VPS37A: variants seen among roughly 807,000 people sequenced by gnomAD.
VPS37A encodes the protein VPS37A subunit of ESCRT-I.
VPS37A carries 30 observed loss-of-function variants against 49.8 expected under a neutral mutation model. That is an observed-to-expected ratio of 0.60 (90% CI 0.45 to 0.82). VPS37A has a LOEUF of 0.82. VPS37A is among the 40% of genes least tolerant of loss of function. VPS37A has a pLI of 0.00. For synonymous variants in VPS37A, 195 were observed against 160.6 expected, an observed-to-expected ratio of 1.21 and a Z score of -1.62; for missense variants, 593 against 464.4, an observed-to-expected ratio of 1.28 and a Z score of -2.55.
the VPS37A span, among the ~76,000 whole-genome samples, chr8:17,309,106 C>G: frequency 6.6e-6 from 1 of 152,166 alleles, no homozygotes; most frequent in African/African-American, 2.4e-5. Context: ...CAAAAGGAAT[C>G]AGTTATAACT....
chr8:17,305,243 A>G (rs1817375626), downstream of VPS37A, among the ~76,000 whole-genome samples: 1 of 152,238 alleles, frequency 6.6e-6, no homozygotes, highest in African/African-American at 2.4e-5. Context: ...TGAAAATTTA[A>G]AAAATGTTCT....
In VPS37A at chr8:17,280,420, C is replaced by A; in HGVS notation, c.946C>A (p.Gln316Lys). Residue 316 changes from glutamine to lysine, a missense_variant, in exon 9 of 12, where the codon CAA becomes AAA. Gln to Lys is a moderately conservative substitution (Grantham distance 53, BLOSUM62 1). Transcript: ENST00000324849. Reference protein sequence around the residue: ...QMKSTFEKKMQRQHELSESCS... With the variant: ...QMKSTFEKKMKRQHELSESCS... ...GAAGTCCACTTTCGAAAAGAAGATG[C>A]AAAGGCAGCATGAACTTAGTGAGGT... 3 of 1,608,558 alleles carry A rather than the reference C, an allele frequency of 1.9e-6. No individual in the cohort carries two copies. The highest frequency in any genetic ancestry group is 2.7e-5 in the African/African-American group (2 of 74,512).
intron 1 of VPS37A, 126 bp from the exon 2 acceptor site, chr8:17,265,780 AT>A: frequency 6.5e-7 from 1 of 1,549,106 alleles, no homozygotes; most frequent in Non-Finnish European, 8.7e-7. Context: ...GATACAAGTT[AT>A]GCTGGCTATC....
chr8:17,294,835 T>TG (rs1390745194), intron 11 of VPS37A, among the ~76,000 whole-genome samples, 152 bp from the exon 12 acceptor site: 2 of 152,230 alleles, frequency 1.3e-5, no homozygotes, highest in Non-Finnish European at 2.9e-5. Flanking sequence ...CCTTCTCTGT[T>TG]GGTCTCCCTG....
the VPS37A span, chr8:17,313,208 G>A: frequency 4.1e-5 from 39 of 953,308 alleles, no homozygotes; most frequent in Admixed American, 5.8e-5. Context: ...TTAAGACAGG[G>A]AAGCCCATGG....
chr8:17,297,436 G>A lies in VPS37A; in HGVS notation c.*2450G>A, dbSNP rs955879648. The A allele has an allele frequency of 1.3e-5, 2 of 151,622 alleles. No individual in the cohort carries two copies. The highest frequency in any genetic ancestry group is 1.5e-5 in the Non-Finnish European group (1 of 67,720). 9.4% of individuals were successfully genotyped at this position (151,622 alleles called of 1,614,324 possible). A position where few individuals can be genotyped will look rare whatever the true frequency, so the allele number is the denominator to read the frequency against. On this transcript the variant is annotated 3_prime_UTR_variant, in exon 12 of 12. Coordinates refer to ENST00000324849, the MANE Select transcript of VPS37A (RefSeq NM_152415.3). ...TCAGATTCATTTTTAGGAGAAGAAA[G>A]TAAACTAATGTGCTCTTAAAGAATA...
the VPS37A span, among the ~76,000 whole-genome samples, chr8:17,320,587 A>G: frequency 2.0e-5 from 3 of 152,142 alleles, no homozygotes; most frequent in African/African-American, 7.2e-5. Flanking sequence ...GTGCAATTCA[A>G]AAAGTCTTCC....
chr8:17,329,695 G>T, the VPS37A span, among the ~76,000 whole-genome samples: 4 of 152,200 alleles, frequency 2.6e-5, no homozygotes, highest in African/African-American at 9.7e-5. Flanking sequence ...TCAGACTAAA[G>T]TCAGACTGCC....
intron 1 of VPS37A, among the ~76,000 whole-genome samples, chr8:17,265,005 C>G (rs1813313833): frequency 6.6e-6 from 1 of 152,162 alleles, no homozygotes; most frequent in South Asian, 2.1e-4. Flanking sequence ...ATACCAAAGA[C>G]CCAAGAATGG....
intron 1 of VPS37A, among the ~76,000 whole-genome samples, chr8:17,251,934 C>G (rs1812018613): frequency 1.3e-5 from 2 of 152,148 alleles, no homozygotes; most frequent in African/African-American, 4.8e-5. Flanking sequence ...AGCTATAAGA[C>G]TTTGTCCCCC....
At chr8:17,283,113 G>T (rs999352522) in intron 9 of VPS37A, among the ~76,000 whole-genome samples, 3 of 152,124 alleles carry the variant, frequency 2.0e-5, no homozygotes, top group African/African-American at 7.2e-5. Context: ...GTGCATTACA[G>T]TTCATTTTTA....
chr8:17,302,564 A>G, downstream of VPS37A: 1 of 276,388 alleles, frequency 3.6e-6, no homozygotes, highest in Non-Finnish European at 6.7e-6. Context: ...TGTAACCATT[A>G]CCTTTTAAGA....
chr8:17,308,879 G>T, the VPS37A span, among the ~76,000 whole-genome samples: 1 of 152,194 alleles, frequency 6.6e-6, no homozygotes, highest in Admixed American at 6.6e-5. Context: ...CGATACAAAT[G>T]CCTTAGGACT....
downstream of VPS37A, among the ~76,000 whole-genome samples, chr8:17,303,554 C>T (rs1817261963): frequency 6.6e-6 from 1 of 151,700 alleles, no homozygotes; most frequent in South Asian, 2.1e-4. Context: ...TAGCACATAC[C>T]TAGTAGAACT....
rs1050394121 is a variant in VPS37A at position 17,271,372 on chromosome 8, G to A, written c.416+2416G>A. On this transcript the variant is annotated intron_variant, in intron 4 of 11. Transcript: ENST00000324849. ...TGTAATCCCAGCACTTTGGGAGGCCGAGGCAGGCGGATCACGAGGTCAGGA... is the reference window on the plus strand; with the variant it reads ...TGTAATCCCAGCACTTTGGGAGGCCAAGGCAGGCGGATCACGAGGTCAGGA... Among the ~76,000 whole-genome samples the A allele has an allele frequency of 1.5e-4, 23 of 152,232 alleles. No individual in the cohort carries two copies. The East Asian group carries it at 2.3e-3, about 15-fold the overall frequency.
chr8:17,251,794 T>G (rs1390808278), intron 1 of VPS37A, among the ~76,000 whole-genome samples: 1 of 152,242 alleles, frequency 6.6e-6, no homozygotes, highest in Admixed American at 6.5e-5. Flanking sequence ...TTTGTTTTAA[T>G]ATTTTCTTTT....
chr8:17,307,341 A>G (rs1302776440), downstream of VPS37A, among the ~76,000 whole-genome samples: 1 of 152,214 alleles, frequency 6.6e-6, no homozygotes, highest in Non-Finnish European at 1.5e-5. Flanking sequence ...ATGATACACC[A>G]TCTCACACCA....
chr8:17,265,685 T>C, intron 1 of VPS37A: 1 of 1,244,178 alleles, frequency 8.0e-7, no homozygotes, highest in Non-Finnish European at 1.1e-6. Flanking sequence ...TACATCATCA[T>C]CCCCCTTCCC....
At chr8:17,332,223 A>G in the VPS37A span, among the ~76,000 whole-genome samples, 4 of 100,586 alleles carry the variant, frequency 4.0e-5, no homozygotes, top group Admixed American at 8.8e-5. Context: ...TCACCACCAG[A>G]AAAAAATATC....
Sources: gnomAD v4.1 joint callset for allele counts (sites outside exome capture counted in the v4.1 genomes callset) on GRCh38, gnomAD v4.1.1 for gene constraint, MANE v1.5 for transcripts, NCBI Gene and HGNC (gene_info 2026-07-23, HGNC 2026-07-21) for gene names.